SLC39A11: variants seen among roughly 807,000 people sequenced by gnomAD.
The protein encoded by SLC39A11 is solute carrier family 39 member 11.
A neutral mutation model predicts 36.1 loss-of-function variants in SLC39A11; 33 were observed. That is an observed-to-expected ratio of 0.91 (90% confidence interval 0.69 to 1.22). The LOEUF (loss-of-function observed/expected upper bound fraction) is 1.22. SLC39A11 is among the 50% of genes most tolerant of loss of function. The pLI is 0.00. For synonymous variants in SLC39A11, 166 were observed against 170.3 expected (o/e 0.97, Z 0.20); for missense variants, 432 against 430.3 (o/e 1.00, Z -0.03).
At chr17:72,770,971 C>T (rs1205179022) in intron 6 of SLC39A11, among the ~76,000 whole-genome samples, 2 of 151,940 alleles carry the variant, frequency 1.3e-5, no homozygotes, top group African/African-American at 4.8e-5. Flanking sequence ...CTAGGACACA[C>T]TTTGGTTATA....
chr17:73,039,215 T>C (rs187632353), intron 3 of SLC39A11, among the ~76,000 whole-genome samples: 2 of 152,274 alleles, frequency 1.3e-5, no homozygotes, highest in Non-Finnish European at 2.9e-5. Flanking sequence ...GCAGGAAATA[T>C]GCAACGGGTC....
At chr17:73,081,636 C>G (rs987941528) in intron 3 of SLC39A11, among the ~76,000 whole-genome samples, 1 of 24,372 alleles carries the variant, frequency 4.1e-5, no homozygotes. Context: ...TATACATACA[C>G]ACACACACAC....
At chr17:72,875,494 G>C (rs1406979787) in intron 5 of SLC39A11, among the ~76,000 whole-genome samples, 1 of 152,116 alleles carries the variant, frequency 6.6e-6, no homozygotes, top group Non-Finnish European at 1.5e-5. Context: ...AAGTGAGACA[G>C]AGTTTTATGG....
chr17:72,991,561 G>T (rs773105872), intron 4 of SLC39A11, among the ~76,000 whole-genome samples: 90 of 152,046 alleles, frequency 5.9e-4, no homozygotes, highest in Admixed American at 2.0e-3. Flanking sequence ...GTTTCACCAT[G>T]TTGGCCAGGC....
At chr17:72,976,891 G>C (rs1340868238) in intron 4 of SLC39A11, among the ~76,000 whole-genome samples, 5 of 152,144 alleles carry the variant, frequency 3.3e-5, no homozygotes, top group Non-Finnish European at 5.9e-5. Context: ...TCTCTGTTAG[G>C]TCTCAGGATT....
At chr17:72,928,703 C>T (rs978096250) in intron 5 of SLC39A11, among the ~76,000 whole-genome samples, 2 of 152,164 alleles carry the variant, frequency 1.3e-5, no homozygotes, top group Admixed American at 6.5e-5. Flanking sequence ...GCCTGAACCT[C>T]CCTGGCCGTA....
chr17:72,947,513 A>G (rs944014928), intron 5 of SLC39A11: 3 of 579,756 alleles, frequency 5.2e-6, no homozygotes, highest in Non-Finnish European at 9.1e-6. Flanking sequence ...AAAGATGATC[A>G]AAAGGTACCG....
At chr17:72,792,347 G>A (rs377749469) in intron 6 of SLC39A11, among the ~76,000 whole-genome samples, 1 of 152,200 alleles carries the variant, frequency 6.6e-6, no homozygotes, top group African/African-American at 2.4e-5. Flanking sequence ...GGCAGGCAGT[G>A]AGGTAGAACC....
At chr17:72,801,394 T>C (rs931219367) in intron 6 of SLC39A11, among the ~76,000 whole-genome samples, 6 of 152,202 alleles carry the variant, frequency 3.9e-5, no homozygotes, top group Non-Finnish European at 8.8e-5. Context: ...CTAACTTTTG[T>C]ATTTTTTGTT....
At chr17:72,935,493 T>G (rs1213993668) in intron 5 of SLC39A11, among the ~76,000 whole-genome samples, 2 of 152,178 alleles carry the variant, frequency 1.3e-5, no homozygotes, top group Admixed American at 6.5e-5. Context: ...TCTTAAAAAC[T>G]CGTGGAACTG....
intron 5 of SLC39A11, among the ~76,000 whole-genome samples, chr17:72,852,018 C>G (rs111272065): frequency 6.6e-6 from 1 of 151,424 alleles, no homozygotes; most frequent in Non-Finnish European, 1.5e-5. Flanking sequence ...CTGGCTAACA[C>G]GGTGAAACCC....
In SLC39A11 at chr17:72,647,200, C is replaced by T. The variant is rs1411897885; in HGVS notation, c.*384G>A. 3 of 167,136 alleles carry T rather than the reference C, an allele frequency of 1.8e-5. No homozygotes were observed. The highest frequency in any genetic ancestry group is 7.2e-5 in the African/African-American group (3 of 41,630). The allele number at this position is 167,136 out of a possible 1,614,324, so 10.4% of individuals were successfully genotyped here. A position where few individuals can be genotyped will look rare whatever the true frequency, so the allele number is the denominator to read the frequency against. ...GGCCACTCTGCCCTGAGTCACTAGGCCACCAAAATGCTTAGGAGACGTCTT... is the reference window on the plus strand; with the variant it reads ...GGCCACTCTGCCCTGAGTCACTAGGTCACCAAAATGCTTAGGAGACGTCTT... On this transcript the variant is annotated 3_prime_UTR_variant, in exon 10 of 10. Coordinates refer to ENST00000255559, the MANE Select transcript of SLC39A11 (RefSeq NM_139177.4).
At chr17:72,965,394 G>A (rs992726887) in intron 4 of SLC39A11, among the ~76,000 whole-genome samples, 1 of 152,030 alleles carries the variant, frequency 6.6e-6, no homozygotes, top group Non-Finnish European at 1.5e-5. Flanking sequence ...ACTTTACAAC[G>A]GTGCAAAAGT....
chr17:72,759,491 A>G (rs1157964989), intron 6 of SLC39A11, among the ~76,000 whole-genome samples: 2 of 152,224 alleles, frequency 1.3e-5, no homozygotes. Context: ...GATTGTCATG[A>G]CAGCATGTGA....
Position 73,007,751 on chromosome 17 carries a change from C to T in SLC39A11, c.306+23805G>A, listed in dbSNP as rs148931134. ...GCTAAAGGGAAAAAGAGGAAAAAGG[C>T]CTGGACTTGATGGGAAGATAGCAAA... On this transcript the variant is annotated intron_variant, in intron 4 of 9. Coordinates refer to ENST00000255559, the MANE Select transcript of SLC39A11 (RefSeq NM_139177.4). Among the ~76,000 whole-genome samples the T allele has an allele frequency of 4.1e-3, 626 of 152,260 alleles. 3 individuals carry two copies. The highest frequency in any genetic ancestry group is 0.014 in the African/African-American group (585 of 41,546).
intron 7 of SLC39A11, among the ~76,000 whole-genome samples, chr17:72,668,350 T>C (rs1369359398): frequency 6.6e-6 from 1 of 151,700 alleles, no homozygotes; most frequent in Non-Finnish European, 1.5e-5. Context: ...TGAGTTTAAC[T>C]GGCTCTGACG....
chr17:72,929,273 G>C (rs536908801), intron 5 of SLC39A11, among the ~76,000 whole-genome samples: 5 of 152,162 alleles, frequency 3.3e-5, no homozygotes, highest in Non-Finnish European at 5.9e-5. Context: ...ACATTGACGG[G>C]GGGTACTACA....
chr17:72,823,014 G>A (rs374291232), intron 6 of SLC39A11, among the ~76,000 whole-genome samples: 22 of 151,292 alleles, frequency 1.5e-4, no homozygotes, highest in African/African-American at 3.1e-4. Flanking sequence ...GGGATTATAG[G>A]CATGAGCCAC....
intron 4 of SLC39A11, among the ~76,000 whole-genome samples, chr17:72,954,800 T>C (rs1412760975): frequency 1.3e-5 from 2 of 152,200 alleles, no homozygotes; most frequent in Admixed American, 6.5e-5. Context: ...AGGGCCAGGC[T>C]GGCTCCCGGT....
Sources: gnomAD v4.1 joint callset for allele counts (sites outside exome capture counted in the v4.1 genomes callset) on GRCh38, gnomAD v4.1.1 for gene constraint, MANE v1.5 for transcripts, NCBI Gene and HGNC (gene_info 2026-07-23, HGNC 2026-07-21) for gene names.